The following ZNF609 variants were observed in gnomAD, a reference collection of about 807,000 sequenced individuals.
The protein encoded by ZNF609 is zinc finger protein 609.
In ZNF609, 11 loss-of-function variants were observed where a neutral mutation model predicts 109.5. The observed-to-expected ratio is 0.10, with a 90% CI of 0.06 to 0.17. The LOEUF (loss-of-function observed/expected upper bound fraction) is 0.17. Among genes scored for constraint, ZNF609 ranks in the 10% least tolerant of loss-of-function variants. ZNF609 has a pLI of 1.00. For missense variants in ZNF609, 1,559 were observed against 1,772.4 expected, an observed-to-expected ratio of 0.88 and a Z score of 2.16; for synonymous variants, 646 against 662.0, an observed-to-expected ratio of 0.98 and a Z score of 0.37.
chr15:64,616,605 C>T (rs1895802035), intron 2 of ZNF609, among the ~76,000 whole-genome samples: 1 of 147,014 alleles, frequency 6.8e-6, no homozygotes, highest in Non-Finnish European at 1.5e-5. Context: ...CTGCAAGCTC[C>T]ACCTCCCAGG....
intron 1 of ZNF609, among the ~76,000 whole-genome samples, chr15:64,497,979 T>C (rs1183244405): frequency 1.3e-5 from 2 of 152,050 alleles, no homozygotes; most frequent in African/African-American, 4.8e-5. Flanking sequence ...CTCTTTGGCT[T>C]TATCATAAAA....
chr15:64,597,181 A>G (rs1451942662), intron 2 of ZNF609, among the ~76,000 whole-genome samples: 1 of 152,174 alleles, frequency 6.6e-6, no homozygotes. Context: ...CTAAGGTCAC[A>G]GTTTAGAGTC....
intron 2 of ZNF609, among the ~76,000 whole-genome samples, chr15:64,539,608 A>AT (rs1314228985): frequency 6.6e-6 from 1 of 152,040 alleles, no homozygotes; most frequent in Non-Finnish European, 1.5e-5. Context: ...GGTTCAAGCG[A>AT]TTCTCCTGCC....
At chr15:64,593,025 G>T in intron 2 of ZNF609, 10 of 1,584,934 alleles carry the variant, frequency 6.3e-6, no homozygotes, top group East Asian at 2.2e-5. Flanking sequence ...AAGGGCCGCG[G>T]CCACATGCAG....
chr15:64,532,636 G>A (rs1163661491), intron 2 of ZNF609, among the ~76,000 whole-genome samples: 3 of 152,190 alleles, frequency 2.0e-5, no homozygotes, highest in Non-Finnish European at 4.4e-5. Context: ...AAGATGGAGC[G>A]CTGAAAGTTA....
At chr15:64,573,905 G>C (rs1372542833) in intron 2 of ZNF609, among the ~76,000 whole-genome samples, 2 of 152,098 alleles carry the variant, frequency 1.3e-5, no homozygotes, top group East Asian at 3.9e-4. Context: ...CAGGACCTCA[G>C]GTCCTTGTGA....
chr15:64,474,234 A>T (rs1240784316), intron 1 of ZNF609, among the ~76,000 whole-genome samples: 2 of 131,208 alleles, frequency 1.5e-5, no homozygotes, highest in African/African-American at 5.8e-5. Context: ...TTTTTTTGAG[A>T]CTGAGTTTTG....
At chr15:64,491,928 C>T (rs946664839) in intron 1 of ZNF609, among the ~76,000 whole-genome samples, 1 of 151,410 alleles carries the variant, frequency 6.6e-6, no homozygotes, top group Non-Finnish European at 1.5e-5. Flanking sequence ...GTCTGTCAGT[C>T]ACGACAGTAT....
intron 2 of ZNF609, among the ~76,000 whole-genome samples, chr15:64,596,744 C>T (rs1895404458): frequency 1.3e-5 from 2 of 152,178 alleles, no homozygotes; most frequent in African/African-American, 4.8e-5. Context: ...AGGAGCCATA[C>T]ATAAGAAGTA....
intron 2 of ZNF609, among the ~76,000 whole-genome samples, chr15:64,613,665 C>G (rs1895751744): frequency 6.6e-6 from 1 of 152,048 alleles, no homozygotes; most frequent in Non-Finnish European, 1.5e-5. Context: ...ATTCTCCTGC[C>G]TCAGCCTCCC....
intron 1 of ZNF609, among the ~76,000 whole-genome samples, chr15:64,492,900 G>T (rs1384592272): frequency 6.6e-6 from 1 of 151,854 alleles, no homozygotes; most frequent in African/African-American, 2.4e-5. Flanking sequence ...TTTTTTCTTT[G>T]GCATGCAGGT....
At chr15:64,622,153 A>C (rs958482345) in intron 2 of ZNF609, among the ~76,000 whole-genome samples, 12 of 152,180 alleles carry the variant, frequency 7.9e-5, no homozygotes, top group Non-Finnish European at 1.3e-4. Flanking sequence ...TTATATTCCA[A>C]GATGCCATTC....
chr15:64,528,835 C>T (rs1894010982), intron 2 of ZNF609: 2 of 848,332 alleles, frequency 2.4e-6, no homozygotes, highest in East Asian at 5.0e-5. Flanking sequence ...AGGAGACCAT[C>T]TGGTGCTCAT....
intron 1 of ZNF609, among the ~76,000 whole-genome samples, chr15:64,488,323 T>G (rs150156840): frequency 1.3e-5 from 2 of 152,342 alleles, no homozygotes; most frequent in Non-Finnish European, 2.9e-5. Flanking sequence ...ATTGATATGA[T>G]TCTGCTCATT....
chr15:64,660,492 G>A (rs1896558892), intron 3 of ZNF609, among the ~76,000 whole-genome samples: 1 of 152,128 alleles, frequency 6.6e-6, no homozygotes, highest in African/African-American at 2.4e-5. Flanking sequence ...TATTGTCTGG[G>A]GCTCTTTTTC....
intron 9 of ZNF609, 110 bp downstream of exon 9, chr15:64,681,497 C>T (rs2083208336): frequency 1.1e-6 from 1 of 889,532 alleles, no homozygotes; most frequent in Non-Finnish European, 1.8e-6. Flanking sequence ...AGTCTGGAAT[C>T]CATGGAACCC....
chr15:64,650,177 G>T (rs1896393858), intron 3 of ZNF609, among the ~76,000 whole-genome samples: 1 of 151,702 alleles, frequency 6.6e-6, no homozygotes, highest in South Asian at 2.1e-4. Context: ...GCCGAGGCCG[G>T]TGGATTTCCT....
chr15:64,480,194 G>A (rs574430416), intron 1 of ZNF609, among the ~76,000 whole-genome samples: 30 of 151,670 alleles, frequency 2.0e-4, no homozygotes, highest in African/African-American at 6.3e-4. Context: ...AGCCGATATC[G>A]TGCCACTGCA....
intron 2 of ZNF609, among the ~76,000 whole-genome samples, chr15:64,614,837 T>A (rs377589693): frequency 2.1e-4 from 13 of 60,954 alleles, no homozygotes; most frequent in East Asian, 6.6e-4. Flanking sequence ...TTTTTTTTTT[T>A]AGGCAGAGTC....
Sources: allele counts gnomAD v4.1 joint callset (sites outside exome capture counted in the v4.1 genomes callset), GRCh38; gene constraint gnomAD v4.1.1; transcripts MANE v1.5; gene names NCBI Gene and HGNC (gene_info 2026-07-23, HGNC 2026-07-21).